Variants in MEGF6 observed in about 807,000 individuals in gnomAD.
MEGF6 encodes the protein multiple EGF like domains 6.
A neutral mutation model predicts 207.1 loss-of-function variants in MEGF6; 184 were observed. The observed-to-expected ratio is 0.89, with a 90% confidence interval of 0.79 to 1.00. The LOEUF (loss-of-function observed/expected upper bound fraction) is 1.00. Ranked by LOEUF, MEGF6 falls within the 50% of genes least tolerant of loss-of-function variation. The pLI is 0.00. For synonymous variants in MEGF6, 1,038 were observed against 910.0 expected, an observed-to-expected ratio of 1.14 and a Z score of -2.53; for missense variants, 2,282 against 2,202.9, an observed-to-expected ratio of 1.04 and a Z score of -0.72.
At chr1:3,544,026 A>G (rs958475111) in intron 4 of MEGF6, among the ~76,000 whole-genome samples, 7 of 152,136 alleles carry the variant, frequency 4.6e-5, no homozygotes, top group African/African-American at 1.7e-4. Context: ...GAGCCGCTCT[A>G]TCGCGGGAGA....
chr1:3,600,590 C>T (rs1001183778), intron 2 of MEGF6, among the ~76,000 whole-genome samples: 3 of 152,178 alleles, frequency 2.0e-5, no homozygotes, highest in Non-Finnish European at 4.4e-5. Flanking sequence ...AAAGTCTTGC[C>T]GCGTGGAGTG....
the MEGF6 span, among the ~76,000 whole-genome samples, chr1:3,624,148 T>C: frequency 6.6e-6 from 1 of 152,068 alleles, no homozygotes; most frequent in Non-Finnish European, 1.5e-5. Flanking sequence ...CTTCCTCACC[T>C]CCGAGCAGAG....
Position 3,512,073 on chromosome 1 carries a change from G to C in MEGF6, c.909C>G (p.Thr303=), listed in dbSNP as rs534616232. 1 of 1,612,436 alleles carries C rather than the reference G, an allele frequency of 6.2e-7. No individual in the cohort carries two copies. The highest frequency in any genetic ancestry group is 1.7e-5 in the Admixed American group (1 of 59,976). The change falls in exon 8 of 37, where the codon ACC becomes ACG. Residue 303 remains threonine, a synonymous_variant. Coordinates refer to ENST00000356575, the MANE Select transcript of MEGF6 (RefSeq NM_001409.4). ...LAQCAHGCLN[T]QGSFKCVCHA... ...GACACACGCACTTGAAGGACCCCTG[G>C]GTGTTGAGGCAGCCATGGGCACACT...
rs150445666 is a variant in MEGF6 at position 3,525,503 on chromosome 1, GC to G, written c.482-1258del. On this transcript the variant is annotated intron_variant, in intron 4 of 36. Coordinates refer to ENST00000356575, the MANE Select transcript of MEGF6 (RefSeq NM_001409.4). ...CCTTGTCCCTCCCACTGCTTACCAAGCCCCCTGAACAAGCGTGGCTGAAGAG... is the reference window on the plus strand; with the variant it reads ...CCTTGTCCCTCCCACTGCTTACCAAGCCCCTGAACAAGCGTGGCTGAAGAG... Among the ~76,000 whole-genome samples, 3 of 152,332 alleles carry G rather than the reference GC, an allele frequency of 2.0e-5. No individual in the cohort carries two copies. The East Asian group carries it at 5.8e-4, about 29-fold the overall frequency.
At position 3,560,960 on chromosome 1, in the gene MEGF6, C is replaced by T. The variant is rs1360931390; in HGVS notation, c.481+18865G>A. On this transcript the variant is annotated intron_variant, in intron 4 of 36. Coordinates refer to ENST00000356575, the MANE Select transcript of MEGF6 (RefSeq NM_001409.4). This position sits in a 1 kb window ranked among gnomAD's most constrained non-coding sequence, Gnocchi z 4.0. ...CTAGTGCCCCAGGGGCTTCGGAGGG[C>T]AGGGGTCAGCTCTAGGCCCTTCTGT... Among the ~76,000 whole-genome samples, 2 of 152,202 alleles carry T rather than the reference C, an allele frequency of 1.3e-5. No homozygotes were observed. The highest frequency in any genetic ancestry group is 2.9e-5 in the Non-Finnish European group (2 of 68,046).
At chr1:3,591,264 G>A (rs914491753) in intron 3 of MEGF6, among the ~76,000 whole-genome samples, 2 of 152,222 alleles carry the variant, frequency 1.3e-5, no homozygotes, top group Non-Finnish European at 2.9e-5. Context: ...GCTGAGCACG[G>A]GGAGGCAGGA....
chr1:3,607,812 G>A (rs899123610), intron 1 of MEGF6, among the ~76,000 whole-genome samples: 16 of 152,226 alleles, frequency 1.1e-4, no homozygotes, highest in Non-Finnish European at 2.1e-4. Flanking sequence ...CCCAGCTGGT[G>A]GGCCATCTGC....
At chr1:3,504,229 C>T (rs1641018707) in intron 17 of MEGF6, among the ~76,000 whole-genome samples, 1 of 152,168 alleles carries the variant, frequency 6.6e-6, no homozygotes, top group African/African-American at 2.4e-5. Context: ...CCTCGTGGCT[C>T]CCGTCTCTCC....
At position 3,563,838 on chromosome 1, in the gene MEGF6, G is replaced by A. The variant is rs555677729; in HGVS notation, c.481+15987C>T. 2.3e-4 allele frequency among the ~76,000 whole-genome samples: 35 copies of A among 152,304 alleles called. No individual in the cohort carries two copies. In the East Asian group the frequency reaches 4.5e-3, roughly 19 times the overall value. ...TGAGTGTGGGAGGCGCAGGCCCTGC[G>A]GTGTCTGCGCGTCTGGGGAGGGAAG... On this transcript the variant is annotated intron_variant, in intron 4 of 36. Transcript: ENST00000356575.
intron 7 of MEGF6, among the ~76,000 whole-genome samples, chr1:3,512,734 G>T (rs1252788463): frequency 6.6e-6 from 1 of 152,224 alleles, no homozygotes; most frequent in African/African-American, 2.4e-5. Context: ...AAGCCATGTG[G>T]AACTGTAAGT....
chr1:3,498,975 C>T lies in MEGF6; in HGVS notation c.3095-149G>A. On this transcript the variant is annotated intron_variant, in intron 24 of 36. Coordinates refer to ENST00000356575, the MANE Select transcript of MEGF6 (RefSeq NM_001409.4). ...ATGACCTGCCAGCCCAGCCTCACTCCCCATCCCTGCCTGGAGAGGGGCACA... is the reference window on the plus strand; with the variant it reads ...ATGACCTGCCAGCCCAGCCTCACTCTCCATCCCTGCCTGGAGAGGGGCACA... 3 of 1,410,052 alleles carry T rather than the reference C, an allele frequency of 2.1e-6. No individual in the cohort carries two copies. In the South Asian group the frequency reaches 4.1e-5, roughly 19 times the overall value. The allele number at this position is 1,410,052 out of a possible 1,614,324, so 87.3% of individuals were successfully genotyped here.
chr1:3,493,391 G>T (rs2100831453), intron 34 of MEGF6: 1 of 301,132 alleles, frequency 3.3e-6, no homozygotes, highest in East Asian at 7.8e-5. Context: ...CTATCCTCAG[G>T]TGAGACCCTC....
At chr1:3,580,323 G>A (rs1184071860) in intron 3 of MEGF6, among the ~76,000 whole-genome samples, 7 of 152,110 alleles carry the variant, frequency 4.6e-5, no homozygotes, top group South Asian at 2.1e-4. Flanking sequence ...TGCAAGGGCC[G>A]GCTGAGGACC....
In MEGF6 at chr1:3,589,427, C is replaced by T. The variant is rs1291377068; in HGVS notation, c.376+5911G>A. ...CACAAGATCCTGCCTCAGGGCCCCG[C>T]ACCTTCTGTTCCCTACTCAGTGACC... is the stretch of plus-strand genomic sequence containing the variant. On this transcript the variant is annotated intron_variant, in intron 3 of 36. Transcript: ENST00000356575. Among the ~76,000 whole-genome samples the T allele has an allele frequency of 4.6e-5, 7 of 152,242 alleles. No individual in the cohort carries two copies. The East Asian group carries it at 1.2e-3, about 25-fold the overall frequency.
In MEGF6 at chr1:3,498,820, G is replaced by A. The variant is rs1369092080; in HGVS notation, c.3101C>T (p.Pro1034Leu). Reference protein sequence around the residue: ...WMGPSCLQACPAGLYGDNCRH... With the variant: ...WMGPSCLQACLAGLYGDNCRH... Reference sequence around the variant, plus strand: ...ACAGTTGTCGCCGTACAGGCCGGCAGGGCAGGCTGGGGCCAGGGAAGAGGG... The same window carrying A: ...ACAGTTGTCGCCGTACAGGCCGGCAAGGCAGGCTGGGGCCAGGGAAGAGGG... Residue 1034 changes from proline (P) to leucine (L), a missense_variant, in exon 25 of 37, where the codon CCT (proline) becomes CTT (leucine). Physicochemically the swap from Pro to Leu is moderately conservative, Grantham distance 98. Transcript: ENST00000356575. The A allele has an allele frequency of 1.3e-6, 2 of 1,551,548 alleles. No individual in the cohort carries two copies. The highest frequency in any genetic ancestry group is 1.2e-5 in the South Asian group (1 of 84,214).
At position 3,561,256 on chromosome 1, in the gene MEGF6, T is replaced by TA. The variant is rs199588481; in HGVS notation, c.481+18568dup. On this transcript the variant is annotated intron_variant, in intron 4 of 36. Transcript: ENST00000356575. The stretch of plus-strand genomic sequence containing the variant: ...CCACGCTCAGCTGAGGAGCAAGGGC[T>TA]ACGGGGCACTCAGAGCTTCCTGTCC... 2.7e-3 allele frequency among the ~76,000 whole-genome samples: 405 copies of TA among 152,254 alleles called. 13 individuals are homozygous for TA. In the South Asian group the frequency reaches 0.052, roughly 20 times the overall value.
intron 7 of MEGF6, 117 bp from the exon 8 acceptor site, chr1:3,512,245 G>A (rs1570009396): frequency 2.2e-6 from 3 of 1,337,462 alleles, no homozygotes; most frequent in African/African-American, 1.5e-5. Flanking sequence ...GCATGACACA[G>A]GCATTCAAGG....
chr1:3,546,485 C>T (rs1394534082), intron 4 of MEGF6, among the ~76,000 whole-genome samples: 1 of 152,172 alleles, frequency 6.6e-6, no homozygotes, highest in East Asian at 1.9e-4. Flanking sequence ...CGAGTGGAGC[C>T]CTTGGAGCAG....
At chr1:3,501,663 G>A (rs1222835663) in intron 18 of MEGF6, 133 bp downstream of exon 18, 1 of 1,277,762 alleles carries the variant, frequency 7.8e-7, no homozygotes, top group Non-Finnish European at 1.1e-6. Context: ...CCAGGGGAGT[G>A]CACTGTGAGC....
Sources: allele counts gnomAD v4.1 joint callset (sites outside exome capture counted in the v4.1 genomes callset), GRCh38; gene constraint gnomAD v4.1.1; non-coding constraint Gnocchi (gnomAD v3.1); transcripts MANE v1.5; gene names NCBI Gene and HGNC (gene_info 2026-07-23, HGNC 2026-07-21).